Variants in EPHB2 observed in about 807,000 individuals in gnomAD.
The protein encoded by EPHB2 is ephrin type-B receptor 2.
Under a neutral mutation model 96.4 loss-of-function variants are expected in EPHB2, and 18 were observed. The ratio of observed to expected loss-of-function variants is 0.19; its 90% CI spans 0.13 to 0.28. The LOEUF is 0.28. Ranked by LOEUF, EPHB2 falls within the 10% of genes least tolerant of loss-of-function variation. The probability of loss-of-function intolerance (pLI) is 1.00; values close to 1 mark genes in which losing one functional copy is unlikely to be tolerated. For missense variants in EPHB2, 989 were observed against 1,355.4 expected (o/e 0.73, Z 4.25); for synonymous variants, 506 against 534.1 (o/e 0.95, Z 0.72).
intron 1 of EPHB2, among the ~76,000 whole-genome samples, chr1:22,725,057 C>T (rs1219486211): frequency 6.6e-6 from 1 of 152,118 alleles, no homozygotes; most frequent in Non-Finnish European, 1.5e-5. Flanking sequence ...CATCTGTGTC[C>T]TTGGTGTCAC....
intron 1 of EPHB2, among the ~76,000 whole-genome samples, chr1:22,746,260 G>C (rs1217027017): frequency 6.6e-6 from 1 of 152,226 alleles, no homozygotes; most frequent in African/African-American, 2.4e-5. Context: ...TGTAATGATT[G>C]GGTCTGGTAG....
At chr1:22,894,160 AC>A (rs1163773100) in intron 7 of EPHB2, among the ~76,000 whole-genome samples, 2 of 152,174 alleles carry the variant, frequency 1.3e-5, no homozygotes, top group Admixed American at 6.5e-5. Flanking sequence ...TTGACTGGGA[AC>A]TAGGAGACTG....
intron 9 of EPHB2, among the ~76,000 whole-genome samples, chr1:22,898,131 A>AG (rs1436056807): frequency 6.6e-6 from 1 of 151,904 alleles, no homozygotes; most frequent in African/African-American, 2.4e-5. Flanking sequence ...AAAAAAAAAA[A>AG]AAACAAAAGA....
intron 1 of EPHB2, among the ~76,000 whole-genome samples, chr1:22,765,930 G>T (rs1234928258): frequency 6.6e-6 from 1 of 152,170 alleles, no homozygotes; most frequent in African/African-American, 2.4e-5. Context: ...AGGGCCTCCT[G>T]CAGGAGCATG....
intron 3 of EPHB2, among the ~76,000 whole-genome samples, 180 bp downstream of exon 3, chr1:22,785,256 T>C (rs1433333013): frequency 1.3e-5 from 2 of 152,206 alleles, no homozygotes; most frequent in Non-Finnish European, 2.9e-5. Context: ...CACTTGAATA[T>C]AGCACTTTCT....
intron 1 of EPHB2, among the ~76,000 whole-genome samples, chr1:22,762,765 T>C (rs1397645027): frequency 6.6e-6 from 1 of 152,188 alleles, no homozygotes; most frequent in East Asian, 1.9e-4. Flanking sequence ...ACTATTGTAA[T>C]CCATCTCATT....
intron 1 of EPHB2, among the ~76,000 whole-genome samples, chr1:22,744,617 T>TGCA (rs541186074): frequency 2.2e-5 from 3 of 134,768 alleles, no homozygotes; most frequent in South Asian, 2.4e-4. Flanking sequence ...AGTTTGAGGC[T>TGCA]GCAGTGAGTT....
At position 22,846,898 on chromosome 1, in the gene EPHB2, G is replaced by A. The variant is rs538372627; in HGVS notation, c.812-16139G>A. On this transcript the variant is annotated intron_variant, in intron 3 of 15. Coordinates refer to ENST00000374630, the MANE Select transcript of EPHB2 (RefSeq NM_017449.5). The surrounding 1 kb of genome is among the most constrained non-coding windows in gnomAD (Gnocchi z 4.3). ...ATTGTTTGGAAACTGCTTACTGACC[G>A]GGGCATCTTCCCCACCAGGCTGGGA... Among the ~76,000 whole-genome samples the A allele has an allele frequency of 9.9e-5, 15 of 152,282 alleles. No homozygotes were observed. Among genetic ancestry groups the A allele is most frequent in the Non-Finnish European group, 1.5e-4 (10 of 68,020 alleles).
At chr1:22,840,458 T>C (rs1213258721) in intron 3 of EPHB2, among the ~76,000 whole-genome samples, 1 of 152,076 alleles carries the variant, frequency 6.6e-6, no homozygotes, top group African/African-American at 2.4e-5. Flanking sequence ...CCCAAATCAT[T>C]TTATTTTTTA....
intron 1 of EPHB2, among the ~76,000 whole-genome samples, chr1:22,761,110 T>G (rs1644229421): frequency 6.6e-6 from 1 of 152,130 alleles, no homozygotes. Flanking sequence ...CAGCCACCAA[T>G]TATGAGCCTG....
At chr1:22,839,968 A>G (rs920064193) in intron 3 of EPHB2, among the ~76,000 whole-genome samples, 2 of 152,190 alleles carry the variant, frequency 1.3e-5, no homozygotes, top group African/African-American at 4.8e-5. Flanking sequence ...CGGATAGGGC[A>G]GGGACTGGAT....
chr1:22,886,720 G>A (rs544622507), intron 6 of EPHB2, among the ~76,000 whole-genome samples: 3 of 145,276 alleles, frequency 2.1e-5, no homozygotes, highest in East Asian at 2.2e-4. Context: ...TCTGCCTCCC[G>A]GATTCAAGCG....
At chr1:22,865,379 T>C (rs1638438172) in intron 5 of EPHB2, among the ~76,000 whole-genome samples, 167 bp downstream of exon 5, 1 of 152,246 alleles carries the variant, frequency 6.6e-6, no homozygotes, top group Non-Finnish European at 1.5e-5. Flanking sequence ...CTCTTCATTG[T>C]AGTGGTATTA....
intron 1 of EPHB2, among the ~76,000 whole-genome samples, chr1:22,764,854 G>A (rs2148399159): frequency 6.6e-6 from 1 of 152,296 alleles, no homozygotes; most frequent in South Asian, 2.1e-4. Context: ...CTGCTGCCAG[G>A]TTCCCGCTCC....
At chr1:22,769,149 T>A (rs1024157691) in intron 1 of EPHB2, among the ~76,000 whole-genome samples, 1 of 152,124 alleles carries the variant, frequency 6.6e-6, no homozygotes, top group Non-Finnish European at 1.5e-5. Flanking sequence ...TAATGTGATA[T>A]GGACAACAGA....
chr1:22,776,757 G>A (rs535613472), intron 1 of EPHB2, among the ~76,000 whole-genome samples: 64 of 152,226 alleles, frequency 4.2e-4, no homozygotes, highest in Non-Finnish European at 7.3e-4. Context: ...CTAAATAATT[G>A]TACAGGTTGT....
chr1:22,715,640 C>T (rs1643273535), intron 1 of EPHB2, among the ~76,000 whole-genome samples: 2 of 152,328 alleles, frequency 1.3e-5, no homozygotes, highest in South Asian at 4.1e-4. Flanking sequence ...AATCAGAAAG[C>T]CAGTTGACTT....
chr1:22,800,327 TTGCCTG>T (rs1357541750), intron 3 of EPHB2: 1 of 152,256 alleles, frequency 6.6e-6, no homozygotes, highest in Non-Finnish European at 1.5e-5. Context: ...CGCACAGAGC[TTGCCTG>T]TGTGGGTGAC....
At chr1:22,751,838 C>T (rs1171181005) in intron 1 of EPHB2, among the ~76,000 whole-genome samples, 2 of 152,212 alleles carry the variant, frequency 1.3e-5, no homozygotes, top group Non-Finnish European at 2.9e-5. Context: ...GTCATGAAGG[C>T]CACCAGCTTT....
Sources: allele counts gnomAD v4.1 joint callset (sites outside exome capture counted in the v4.1 genomes callset), GRCh38; gene constraint gnomAD v4.1.1; non-coding constraint Gnocchi (gnomAD v3.1); transcripts MANE v1.5; gene names NCBI Gene and HGNC (gene_info 2026-07-23, HGNC 2026-07-21).